Variants in GRB10 observed in about 807,000 individuals in gnomAD.
The protein encoded by GRB10 is growth factor receptor-bound protein 10.
A neutral mutation model predicts 80.9 loss-of-function variants in GRB10; 20 were observed. The observed-to-expected ratio is 0.25, with a 90% confidence interval of 0.17 to 0.36. The LOEUF is 0.36. GRB10 is among the 10% of genes least tolerant of loss of function. The pLI is 1.00. For synonymous variants in GRB10, 291 were observed against 291.5 expected, an observed-to-expected ratio of 1.00 and a Z score of 0.02; for missense variants, 548 against 747.7, an observed-to-expected ratio of 0.73 and a Z score of 3.12.
intron 2 of GRB10, among the ~76,000 whole-genome samples, chr7:50,759,993 G>A (rs1025333264): frequency 4.6e-5 from 7 of 152,148 alleles, no homozygotes; most frequent in African/African-American, 1.7e-4. Context: ...TCAATTTCAG[G>A]GTCAAGCAGG....
chr7:50,602,513 T>C (rs76368571), intron 17 of GRB10, among the ~76,000 whole-genome samples: 12,627 of 152,198 alleles, frequency 0.083, 792 homozygotes, highest in South Asian at 0.13. Flanking sequence ...GAGGAACTTA[T>C]TAAAATAAAC....
chr7:50,715,458 G>T (rs1436604967), intron 4 of GRB10, among the ~76,000 whole-genome samples: 1 of 152,170 alleles, frequency 6.6e-6, no homozygotes, highest in Non-Finnish European at 1.5e-5. Flanking sequence ...ATTACAGCAG[G>T]AACAATTGGT....
intron 3 of GRB10, among the ~76,000 whole-genome samples, chr7:50,734,477 A>T (rs1380930241): frequency 2.0e-5 from 3 of 151,820 alleles, no homozygotes; most frequent in African/African-American, 7.3e-5. Context: ...CGCACGCCGC[A>T]CGCCTCCCTG....
At chr7:50,699,607 G>A in intron 5 of GRB10, among the ~76,000 whole-genome samples, 1 of 152,204 alleles carries the variant, frequency 6.6e-6, no homozygotes, top group East Asian at 1.9e-4. Flanking sequence ...AAACCAACTT[G>A]GTCATAACAT....
intron 4 of GRB10, among the ~76,000 whole-genome samples, chr7:50,723,367 C>T (rs1012852158): frequency 3.3e-5 from 5 of 152,188 alleles, no homozygotes; most frequent in South Asian, 2.1e-4. Context: ...CTTCTGTATT[C>T]CCAGAATGGG....
intron 2 of GRB10, among the ~76,000 whole-genome samples, chr7:50,775,963 G>T (rs763538770): frequency 3.7e-4 from 57 of 152,160 alleles, no homozygotes; most frequent in Non-Finnish European, 6.0e-4. Flanking sequence ...GACGCCCAAG[G>T]CCTCTCCTTT....
chr7:50,715,909 A>G (rs73122798), intron 4 of GRB10, among the ~76,000 whole-genome samples: 11,012 of 152,306 alleles, frequency 0.072, 635 homozygotes, highest in South Asian at 0.12. Context: ...CAGCCCTACT[A>G]GTGCCCACTC....
chr7:50,636,593 A>C (rs908729676), intron 7 of GRB10, among the ~76,000 whole-genome samples: 1 of 149,630 alleles, frequency 6.7e-6, no homozygotes, highest in African/African-American at 2.5e-5. Context: ...AGATCAATAA[A>C]TGTGATTCAT....
rs759142194 is a variant in GRB10, at chr7:50,614,820, C to T, written c.1045G>A (p.Ala349Thr). Residue 349 changes from alanine to threonine, a missense_variant, in exon 12 of 19, where the codon GCT (alanine) becomes ACT (threonine). Transcript: ENST00000401949. ...GGGGCGTTGTACTGCTTCCTGCCAG[C>T]GATCAGGGAGAAGATGTTGCTGTCC... The part of the protein sequence containing the change: ...LEDSNIFSLI[A>T]GRKQYNAPTD... The T allele has an allele frequency of 2.5e-5, 40 of 1,614,010 alleles. No individual in the cohort carries two copies. Among genetic ancestry groups the T allele is most frequent in the Non-Finnish European group, 3.2e-5 (38 of 1,179,976 alleles).
intron 2 of GRB10, among the ~76,000 whole-genome samples, chr7:50,758,655 C>T (rs113763550): frequency 0.012 from 1,863 of 152,258 alleles, 49 homozygotes; most frequent in African/African-American, 0.042. Flanking sequence ...GAAGTCTAGG[C>T]CTTCTCAGAA....
At chr7:50,660,210 G>A (rs993130996) in intron 7 of GRB10, among the ~76,000 whole-genome samples, 2 of 151,658 alleles carry the variant, frequency 1.3e-5, no homozygotes, top group Non-Finnish European at 2.9e-5. Flanking sequence ...ATCATGCCGC[G>A]TCCACAGGGG....
intron 1 of GRB10, chr7:50,792,765 G>A (rs1360085851): frequency 3.1e-5 from 7 of 229,338 alleles, no homozygotes; most frequent in Middle Eastern, 1.4e-3. Context: ...CGCGCAGTCG[G>A]AGCACCCGGG....
chr7:50,681,284 T>C (rs980633005), intron 5 of GRB10, among the ~76,000 whole-genome samples: 12 of 152,252 alleles, frequency 7.9e-5, no homozygotes, highest in African/African-American at 2.6e-4. Flanking sequence ...CGGAGAAGCC[T>C]CCGGCTCTAC....
At chr7:50,766,361 T>C (rs2076337803) in intron 2 of GRB10, among the ~76,000 whole-genome samples, 2 of 152,214 alleles carry the variant, frequency 1.3e-5, no homozygotes, top group Admixed American at 6.5e-5. Flanking sequence ...CACAGGCCCT[T>C]TTCTATACAG....
intron 4 of GRB10, among the ~76,000 whole-genome samples, chr7:50,717,508 A>C (rs190430050): frequency 6.6e-6 from 1 of 152,270 alleles, no homozygotes; most frequent in Non-Finnish European, 1.5e-5. Context: ...GTATATATAC[A>C]TAAATATGAA....
chr7:50,715,986 G>A (rs2066799705), intron 4 of GRB10, among the ~76,000 whole-genome samples: 1 of 152,190 alleles, frequency 6.6e-6, no homozygotes, highest in South Asian at 2.1e-4. Flanking sequence ...GCAGAGCCTA[G>A]GATCGTCCTA....
chr7:50,661,431 T>G lies in GRB10; in HGVS notation c.504+8291A>C, dbSNP rs7793487. On this transcript the variant is annotated intron_variant, in intron 7 of 18. Transcript: ENST00000401949. ...TGTTTGAATAACAAATGGAAAAATG[T>G]GCTCTAAAAACTCATTATGTAGCTG... Among the ~76,000 whole-genome samples, 1,429 of 152,312 alleles carry G rather than the reference T, an allele frequency of 9.4e-3. 27 individuals are homozygous for G. The highest frequency in any genetic ancestry group is 0.032 in the African/African-American group (1,329 of 41,562).
At position 50,601,705 on chromosome 7, in the gene GRB10, A is replaced by G. The variant is rs576497126; in HGVS notation, c.1544+2293T>C. Among the ~76,000 whole-genome samples the G allele has an allele frequency of 1.4e-4, 22 of 152,318 alleles. No individual in the cohort carries two copies. The South Asian group carries it at 4.1e-3, about 29-fold the overall frequency. ...AACAACAAAATCAAAGAAGTAAAAAATCCTGTAATCTCAAATTTGAATTAG... is the reference window on the plus strand; with the variant it reads ...AACAACAAAATCAAAGAAGTAAAAAGTCCTGTAATCTCAAATTTGAATTAG... On this transcript the variant is annotated intron_variant, in intron 17 of 18. Transcript: ENST00000401949.
chr7:50,679,531 T>TG (rs1219886170), intron 5 of GRB10, among the ~76,000 whole-genome samples: 1 of 152,210 alleles, frequency 6.6e-6, no homozygotes, highest in Non-Finnish European at 1.5e-5. Context: ...CATAAGGACA[T>TG]GTTATTTGCA....
Sources: allele counts gnomAD v4.1 joint callset (sites outside exome capture counted in the v4.1 genomes callset), GRCh38; gene constraint gnomAD v4.1.1; transcripts MANE v1.5; gene names NCBI Gene and HGNC (gene_info 2026-07-23, HGNC 2026-07-21).